Variants in NEDD4 observed in about 807,000 individuals in gnomAD.
NEDD4 encodes E3 ubiquitin-protein ligase NEDD4.
In NEDD4, 99 loss-of-function variants were observed where a neutral mutation model predicts 144.9. The ratio of observed to expected loss-of-function variants is 0.68; its 90% CI spans 0.58 to 0.81. The LOEUF (loss-of-function observed/expected upper bound fraction) is 0.81. Ranked by LOEUF, NEDD4 falls within the 30% of genes least tolerant of loss-of-function variation. The pLI is 0.00. For synonymous variants in NEDD4, 318 were observed against 350.6 expected (o/e 0.91, Z 1.04); for missense variants, 985 against 1,065.9 (o/e 0.92, Z 1.06).
At chr15:55,968,048 A>G (rs1233714570) in intron 1 of NEDD4, among the ~76,000 whole-genome samples, 1 of 152,214 alleles carries the variant, frequency 6.6e-6, no homozygotes, top group Non-Finnish European at 1.5e-5. Flanking sequence ...CCTTCAATAA[A>G]TGGAGAAATC....
At chr15:55,880,587 G>A (rs2035151766) in intron 5 of NEDD4, among the ~76,000 whole-genome samples, 1 of 152,150 alleles carries the variant, frequency 6.6e-6, no homozygotes, top group Non-Finnish European at 1.5e-5. Context: ...TTTCAGGGAG[G>A]TAATGGAGGA....
Position 55,886,465 on chromosome 15 carries a change from C to T in NEDD4, c.292-12457G>A, listed in dbSNP as rs182067091. ...TTAGGCCACAAAATAAGCCTTAAAA[C>T]GTTTTAAAAAATTGAAATGGGCCAG... is the stretch of plus-strand genomic sequence containing the variant. On this transcript the variant is annotated intron_variant, in intron 5 of 28. Transcript: ENST00000435532. Among the ~76,000 whole-genome samples, 4 of 152,214 alleles carry T rather than the reference C, an allele frequency of 2.6e-5. No individual in the cohort carries two copies. In the East Asian group the frequency reaches 7.7e-4, roughly 29 times the overall value.
chr15:55,903,192 T>C (rs1417387407), intron 5 of NEDD4, among the ~76,000 whole-genome samples: 2 of 152,188 alleles, frequency 1.3e-5, no homozygotes, highest in Non-Finnish European at 2.9e-5. Flanking sequence ...ATGGAATTTT[T>C]CCTTTAGACA....
chr15:55,962,855 C>G (rs984352721), intron 2 of NEDD4, among the ~76,000 whole-genome samples: 1 of 149,068 alleles, frequency 6.7e-6, no homozygotes, highest in Non-Finnish European at 1.5e-5. Flanking sequence ...GGTGTGATCT[C>G]AGCTCACTGC....
At chr15:55,981,839 G>C (rs1278506868) in intron 1 of NEDD4, among the ~76,000 whole-genome samples, 1 of 152,166 alleles carries the variant, frequency 6.6e-6, no homozygotes, top group Non-Finnish European at 1.5e-5. Flanking sequence ...ACAACCACAG[G>C]TACAGAACAT....
chr15:55,866,261 C>A (rs2414447), intron 8 of NEDD4, among the ~76,000 whole-genome samples: 147,978 of 151,466 alleles, frequency 0.98, 72,383 homozygotes, highest in East Asian at 1. Flanking sequence ...AAGAATTGTT[C>A]TCTCTATTTT....
rs534935583 is a variant in NEDD4 at position 55,928,013 on chromosome 15, C to T, written c.238-3314G>A. On this transcript the variant is annotated intron_variant, in intron 4 of 28. Coordinates refer to ENST00000435532, the MANE Select transcript of NEDD4 (RefSeq NM_006154.4). ...TAATAGCTTATAACAGGATTCACTACCTCAACTATCTTTTTTTTTCCCTTC... is the reference window on the plus strand; with the variant it reads ...TAATAGCTTATAACAGGATTCACTATCTCAACTATCTTTTTTTTTCCCTTC... 7.2e-5 allele frequency among the ~76,000 whole-genome samples: 11 copies of T among 152,146 alleles called. No homozygotes were observed. The East Asian group carries it at 1.9e-3, about 27-fold the overall frequency.
intron 5 of NEDD4, among the ~76,000 whole-genome samples, chr15:55,876,892 A>G (rs2035013936): frequency 6.8e-6 from 1 of 147,690 alleles, no homozygotes; most frequent in African/African-American, 2.5e-5. Context: ...TTTTAAAGAG[A>G]TGGAGTCTTG....
At chr15:55,923,029 C>G (rs1337245755) in intron 5 of NEDD4, among the ~76,000 whole-genome samples, 1 of 150,342 alleles carries the variant, frequency 6.7e-6, no homozygotes, top group Non-Finnish European at 1.5e-5. Flanking sequence ...ACTAAAAATA[C>G]AAAAATAAGC....
intron 14 of NEDD4, among the ~76,000 whole-genome samples, chr15:55,849,388 C>A (rs1374312931): frequency 6.6e-6 from 1 of 152,044 alleles, no homozygotes; most frequent in East Asian, 1.9e-4. Context: ...CCATGCCTAG[C>A]TAATTTTTGT....
chr15:55,869,880 T>TAAAG (rs2034717548), intron 7 of NEDD4, among the ~76,000 whole-genome samples, 199 bp from the exon 8 acceptor site: 1 of 147,224 alleles, frequency 6.8e-6, no homozygotes, highest in African/African-American at 2.5e-5. Context: ...AATAAATAAA[T>TAAAG]AAATAAATAA....
At chr15:55,883,696 AAC>A (rs3049242) in intron 5 of NEDD4, among the ~76,000 whole-genome samples, 24,258 of 111,798 alleles carry the variant, frequency 0.22, 2,009 homozygotes, top group Non-Finnish European at 0.26. Context: ...CACACACACA[AAC>A]ACACACACAC....
chr15:55,975,283 G>A (rs1305059202), intron 1 of NEDD4, among the ~76,000 whole-genome samples: 1 of 151,974 alleles, frequency 6.6e-6, no homozygotes, highest in Non-Finnish European at 1.5e-5. Context: ...AAATTAGAAA[G>A]GAAGACATCA....
chr15:55,840,961 A>G lies in NEDD4; in HGVS notation c.1839-234T>C, dbSNP rs547261538. Among the ~76,000 whole-genome samples, 3 of 152,334 alleles carry G rather than the reference A, an allele frequency of 2.0e-5. No homozygotes were observed. The East Asian group carries it at 5.8e-4, about 29-fold the overall frequency. ...GTTTGTTCGTTTGTTTTTGAGATGG[A>G]GTCTTGCTCTCGCCCAGGCTGGAGT... On this transcript the variant is annotated intron_variant, in intron 19 of 28. Transcript: ENST00000435532.
At chr15:55,863,376 G>C (rs2034475903) in intron 8 of NEDD4, among the ~76,000 whole-genome samples, 1 of 152,072 alleles carries the variant, frequency 6.6e-6, no homozygotes, top group Admixed American at 6.5e-5. Flanking sequence ...CTGGGTGACA[G>C]AACCAGATCC....
At chr15:55,903,411 G>A (rs1470984510) in intron 5 of NEDD4, among the ~76,000 whole-genome samples, 1 of 151,894 alleles carries the variant, frequency 6.6e-6, no homozygotes, top group African/African-American at 2.4e-5. Flanking sequence ...AAAATTTCTG[G>A]GCCTTTCTAC....
chr15:55,961,465 G>GTATTATTATTATTATTAT (rs58665877), intron 2 of NEDD4, among the ~76,000 whole-genome samples: 253 of 150,852 alleles, frequency 1.7e-3, no homozygotes, highest in South Asian at 5.0e-3. Flanking sequence ...TAAGTTTGTG[G>GTATTATTATTATTATTAT]TATTATTATT....
At chr15:55,870,850 T>A (rs990388717) in intron 7 of NEDD4, among the ~76,000 whole-genome samples, 9 of 152,196 alleles carry the variant, frequency 5.9e-5, no homozygotes, top group African/African-American at 1.2e-4. Context: ...TTAATTCTAT[T>A]GTCCTCATCA....
rs564495065 is a variant in NEDD4, at chr15:55,925,857, A to G, written c.238-1158T>C. Among the ~76,000 whole-genome samples the G allele has an allele frequency of 2.6e-5, 4 of 152,260 alleles. No homozygotes were observed. The East Asian group carries it at 7.7e-4, about 29-fold the overall frequency. ...AAAACTGAAGTACAACACATATTCA[A>G]TGAAGTATAAAGTATACTAATGTTG... On this transcript the variant is annotated intron_variant, in intron 4 of 28. Transcript: ENST00000435532.
Sources: gnomAD v4.1 joint callset for allele counts (sites outside exome capture counted in the v4.1 genomes callset) on GRCh38, gnomAD v4.1.1 for gene constraint, MANE v1.5 for transcripts, NCBI Gene and HGNC (gene_info 2026-07-23, HGNC 2026-07-21) for gene names.